RPA3: variants seen among roughly 807,000 people sequenced by gnomAD.
RPA3 encodes replication protein A3.
Under a neutral mutation model 13.7 loss-of-function variants are expected in RPA3, and 24 were observed. The observed-to-expected ratio is 1.75, with a 90% CI of 1.27 to 2.46. The LOEUF is 2.46. Among genes scored for constraint, RPA3 ranks in the 30% most tolerant of loss-of-function variants. The pLI, the probability that RPA3 is intolerant of heterozygous loss-of-function variation, is 0.00. For missense variants in RPA3, 183 were observed against 151.0 expected (o/e 1.21, Z -1.11); for synonymous variants, 59 against 51.2 (o/e 1.15, Z -0.65).
intron 2 of RPA3, among the ~76,000 whole-genome samples, chr7:7,711,055 C>G (rs549329933): frequency 6.6e-6 from 1 of 152,192 alleles, no homozygotes; most frequent in African/African-American, 2.4e-5. Flanking sequence ...AAGTTAGAGG[C>G]AAGTGTGTGT....
chr7:7,673,504 A>C (rs1779663787), intron 4 of RPA3: 2 of 678,898 alleles, frequency 2.9e-6, no homozygotes, highest in African/African-American at 3.6e-5. Context: ...TTCTCTTTAA[A>C]AAATTACTTG....
intron 2 of RPA3, among the ~76,000 whole-genome samples, chr7:7,702,524 C>T (rs1780485862): frequency 1.3e-5 from 2 of 152,092 alleles, no homozygotes; most frequent in African/African-American, 4.8e-5. Context: ...TTCTCTAATA[C>T]TTGAAATAGC....
intron 4 of RPA3, among the ~76,000 whole-genome samples, chr7:7,643,013 A>AT (rs946345198): frequency 2.6e-5 from 4 of 151,300 alleles, no homozygotes; most frequent in East Asian, 1.9e-4. Context: ...CGTAGATCAT[A>AT]TTTTTTTTTC....
At chr7:7,688,165 AC>A (rs1780083996) in intron 2 of RPA3, among the ~76,000 whole-genome samples, 1 of 152,214 alleles carries the variant, frequency 6.6e-6, no homozygotes, top group Admixed American at 6.5e-5. Context: ...TCCCTGCATT[AC>A]ATCAGATTCT....
intron 2 of RPA3, among the ~76,000 whole-genome samples, chr7:7,706,729 G>A (rs1486381351): frequency 2.0e-5 from 3 of 152,174 alleles, no homozygotes; most frequent in South Asian, 2.1e-4. Context: ...ACTAACTTGC[G>A]TAAGAGTGCG....
At chr7:7,637,773 A>T (rs1583678978) in intron 7 of RPA3, 91 bp downstream of exon 7, 4 of 546,042 alleles carry the variant, frequency 7.3e-6, no homozygotes, top group Non-Finnish European at 3.3e-6. Flanking sequence ...CAGTTATATA[A>T]AACTGTATGT....
chr7:7,699,982 A>G (rs1040809863), intron 2 of RPA3, among the ~76,000 whole-genome samples: 1 of 152,258 alleles, frequency 6.6e-6, no homozygotes, highest in African/African-American at 2.4e-5. Flanking sequence ...TTTTCTTCTC[A>G]TGAAGTAAGT....
At chr7:7,643,133 C>G (rs918228206) in intron 4 of RPA3, among the ~76,000 whole-genome samples, 1 of 152,088 alleles carries the variant, frequency 6.6e-6, no homozygotes, top group Non-Finnish European at 1.5e-5. Flanking sequence ...AATGATAATT[C>G]TGCAGCGCCA....
intron 2 of RPA3, among the ~76,000 whole-genome samples, chr7:7,697,801 T>C (rs987370138): frequency 2.0e-5 from 3 of 152,192 alleles, no homozygotes; most frequent in Admixed American, 2.0e-4. Flanking sequence ...ACATGGTGCA[T>C]GTACTCTTGG....
intron 4 of RPA3, among the ~76,000 whole-genome samples, chr7:7,657,903 A>G (rs534989812): frequency 4.5e-4 from 68 of 152,352 alleles, no homozygotes; most frequent in African/African-American, 1.5e-3. Context: ...TACTTTGGGC[A>G]GTATGGCCAT....
intron 2 of RPA3, among the ~76,000 whole-genome samples, chr7:7,706,862 A>T (rs939603372): frequency 6.6e-6 from 1 of 152,182 alleles, no homozygotes; most frequent in Non-Finnish European, 1.5e-5. Flanking sequence ...TGACTTACTT[A>T]GATTTAAAAT....
intron 1 of RPA3, among the ~76,000 whole-genome samples, chr7:7,717,420 C>T (rs1055066842): frequency 6.6e-6 from 1 of 152,226 alleles, no homozygotes; most frequent in African/African-American, 2.4e-5. Context: ...CCTCGTCCTT[C>T]AGTTTCTTTG....
At position 7,636,964 on chromosome 7, in the gene RPA3, A is replaced by T; in HGVS notation, c.*36T>A. ...AGGGCTTCCTTTAATAGACTTTAAT[A>T]TAGCTCATTTACAATCGTATGAAAA... On this transcript the variant is annotated 3_prime_UTR_variant, in exon 8 of 8. Transcript: ENST00000223129. 1 of 1,427,046 alleles carries T rather than the reference A, an allele frequency of 7.0e-7. No individual in the cohort carries two copies. The highest frequency in any genetic ancestry group is 9.9e-7 in the Non-Finnish European group (1 of 1,011,968). The allele number at this position is 1,427,046 out of a possible 1,614,324, so 88.4% of individuals were successfully genotyped here. A position where few individuals can be genotyped will look rare whatever the true frequency, so the allele number is the denominator to read the frequency against.
chr7:7,698,391 G>A (rs920532175), intron 2 of RPA3, among the ~76,000 whole-genome samples: 6 of 152,168 alleles, frequency 3.9e-5, no homozygotes, highest in African/African-American at 1.4e-4. Context: ...AACCAAACTG[G>A]TAGAAGTTTT....
chr7:7,717,378 A>C (rs1780942698), intron 1 of RPA3, among the ~76,000 whole-genome samples: 1 of 151,896 alleles, frequency 6.6e-6, no homozygotes, highest in East Asian at 1.9e-4. Context: ...TCATCTATTA[A>C]AACTCCACTC....
intron 2 of RPA3, among the ~76,000 whole-genome samples, chr7:7,696,900 A>G (rs923599005): frequency 7.9e-5 from 12 of 151,954 alleles, no homozygotes; most frequent in Admixed American, 2.6e-4. Flanking sequence ...TAAGAATAAC[A>G]TAAGACTAGT....
At chr7:7,679,946 G>C (rs1048030503) in intron 4 of RPA3, among the ~76,000 whole-genome samples, 2 of 151,762 alleles carry the variant, frequency 1.3e-5, no homozygotes, top group African/African-American at 4.8e-5. Context: ...TTCATCCATT[G>C]TCAGATGAGT....
intron 2 of RPA3, among the ~76,000 whole-genome samples, chr7:7,695,327 T>G (rs1435748505): frequency 2.0e-5 from 3 of 152,328 alleles, no homozygotes; most frequent in African/African-American, 4.8e-5. Context: ...CAGCCAACTT[T>G]AAGATTTCAT....
At chr7:7,699,054 G>T (rs996925758) in intron 2 of RPA3, among the ~76,000 whole-genome samples, 53 of 150,804 alleles carry the variant, frequency 3.5e-4, no homozygotes, top group Admixed American at 1.6e-3. Context: ...GTGTGTGGGG[G>T]GGGGGTAGAT....
Sources: gnomAD v4.1 joint callset for allele counts (sites outside exome capture counted in the v4.1 genomes callset) on GRCh38, gnomAD v4.1.1 for gene constraint, MANE v1.5 for transcripts, NCBI Gene and HGNC (gene_info 2026-07-23, HGNC 2026-07-21) for gene names.